The following AGO2 variants were observed in gnomAD, a reference collection of about 807,000 sequenced individuals.
The protein encoded by AGO2 is protein argonaute-2.
Under a neutral mutation model 102.3 loss-of-function variants are expected in AGO2, and 5 were observed. That is an observed-to-expected ratio of 0.05 (90% CI 0.03 to 0.10). AGO2 has a LOEUF of 0.10. AGO2 is among the 10% of genes least tolerant of loss of function. AGO2 has a pLI of 1.00. For missense variants in AGO2, 541 were observed against 1,183.7 expected (o/e 0.46, Z 7.97); for synonymous variants, 449 against 473.1 (o/e 0.95, Z 0.66).
At chr8:140,556,434 T>C in intron 8 of AGO2, 148 bp from the exon 9 acceptor site, 2 of 1,004,130 alleles carry the variant, frequency 2.0e-6, no homozygotes, top group Non-Finnish European at 2.9e-6. Flanking sequence ...AGGTGTCTGC[T>C]GTGGGGGCTG....
intron 2 of AGO2, among the ~76,000 whole-genome samples, chr8:140,579,044 G>A (rs1003936587): frequency 6.6e-6 from 1 of 152,146 alleles, no homozygotes; most frequent in Non-Finnish European, 1.5e-5. Flanking sequence ...GCAACACAGA[G>A]AGACCCCATC....
intron 2 of AGO2, among the ~76,000 whole-genome samples, chr8:140,580,583 T>C (rs1054999914): frequency 6.6e-6 from 1 of 152,080 alleles, no homozygotes; most frequent in African/African-American, 2.4e-5. Flanking sequence ...ATGAGCACCA[T>C]CCACCTCCCC....
At chr8:140,636,959 T>C (rs1323492525), upstream of AGO2, 1 of 152,178 alleles carries the variant, frequency 6.6e-6, no homozygotes, top group African/African-American at 2.4e-5. Flanking sequence ...CTGCATTCTT[T>C]AGGGAAGCAT....
Position 140,589,571 on chromosome 8 carries a change from T to C in AGO2, c.23-4260A>G, listed in dbSNP as rs900637186. On this transcript the variant is annotated intron_variant, in intron 1 of 18. Transcript: ENST00000220592. This position sits in a 1 kb window ranked among gnomAD's most constrained non-coding sequence, Gnocchi z 4.2. ...TCCAGAGCTCCAAAGTGAGTCATTA[T>C]TCAAAGCCATGCTTCCCGATGGTCC... Among the ~76,000 whole-genome samples the C allele has an allele frequency of 1.3e-5, 2 of 152,228 alleles. No homozygotes were observed. Among genetic ancestry groups the C allele is most frequent in the African/African-American group, 4.8e-5 (2 of 41,462 alleles).
At chr8:140,579,615 C>T (rs776813482) in intron 2 of AGO2, among the ~76,000 whole-genome samples, 1 of 152,160 alleles carries the variant, frequency 6.6e-6, no homozygotes, top group Non-Finnish European at 1.5e-5. Flanking sequence ...CCCCAGCGCA[C>T]TCCTCTAACC....
At chr8:140,616,244 G>A (rs759283458) in intron 1 of AGO2, among the ~76,000 whole-genome samples, 13 of 152,200 alleles carry the variant, frequency 8.5e-5, no homozygotes, top group Non-Finnish European at 1.8e-4. Flanking sequence ...ATCATTTTGA[G>A]ATTCCTACAG....
In AGO2 at chr8:140,605,615, C is replaced by T. The variant is rs562632705; in HGVS notation, c.23-20304G>A. Among the ~76,000 whole-genome samples the T allele has an allele frequency of 2.6e-5, 4 of 152,284 alleles. No individual in the cohort carries two copies. In the South Asian group the frequency reaches 6.2e-4, roughly 24 times the overall value. On this transcript the variant is annotated intron_variant, in intron 1 of 18. Coordinates refer to ENST00000220592, the MANE Select transcript of AGO2 (RefSeq NM_012154.5). ...CTGCAGCTCTCGCAGGGGTGCCCAG[C>T]GGTAGGTCAGAAGCCATGCTGGGAC...
chr8:140,601,237 C>T (rs1381708323), intron 1 of AGO2, among the ~76,000 whole-genome samples: 3 of 152,236 alleles, frequency 2.0e-5, no homozygotes, highest in African/African-American at 7.2e-5. Flanking sequence ...TTCCTGTCTA[C>T]TCTTTCCTCA....
At chr8:140,600,272 G>A (rs2073913266) in intron 1 of AGO2, among the ~76,000 whole-genome samples, 1 of 152,248 alleles carries the variant, frequency 6.6e-6, no homozygotes, top group Non-Finnish European at 1.5e-5. Flanking sequence ...CGAAAGATGT[G>A]TCCTTTAATT....
intron 2 of AGO2, among the ~76,000 whole-genome samples, chr8:140,580,204 C>T (rs979790907): frequency 1.3e-5 from 2 of 152,264 alleles, no homozygotes; most frequent in Non-Finnish European, 2.9e-5. Context: ...GTCTTGCTTG[C>T]ACCAAACCCC....
Position 140,562,594 on chromosome 8 carries a change from C to G in AGO2, c.377G>C (p.Arg126Pro). ...EVTLPGEGKDRIFKVSIKWVS... is the reference protein window; with the variant it reads ...EVTLPGEGKDPIFKVSIKWVS... ...CCACTTGATGGACACCTTGAAGATG[C>G]GATCCTTGCCTTCTCCTGGCAGCGT... Residue 126 changes from arginine (R) to proline (P), a missense_variant, in exon 4 of 19, where the codon CGC becomes CCC. Coordinates refer to ENST00000220592, the MANE Select transcript of AGO2 (RefSeq NM_012154.5). 2 of 1,613,958 alleles carry G rather than the reference C, an allele frequency of 1.2e-6. No individual in the cohort carries two copies. Among genetic ancestry groups the G allele is most frequent in the Non-Finnish European group, 1.7e-6 (2 of 1,179,968 alleles).
intron 4 of AGO2, 27 bp from the exon 5 acceptor site, chr8:140,560,537 T>C (rs763872721): frequency 6.3e-7 from 1 of 1,598,422 alleles, no homozygotes; most frequent in Non-Finnish European, 8.6e-7. Context: ...CCACCCCGCC[T>C]CCCGTCAGAT....
rs1001952258 is a variant in AGO2 at position 140,527,193 on chromosome 8, T to A, written c.*4851A>T. The A allele has an allele frequency of 6.6e-6, 1 of 152,214 alleles. No individual in the cohort carries two copies. The highest frequency in any genetic ancestry group is 1.5e-5 in the Non-Finnish European group (1 of 68,034). The allele number at this position is 152,214 out of a possible 1,614,324, so 9.4% of individuals were successfully genotyped here. A position where few individuals can be genotyped will look rare whatever the true frequency, so the allele number is the denominator to read the frequency against. ...GCACCAAGAGACCATGTTCTCCTAG[T>A]AACCGATCTAGAACTTCCCTTCAGA... On this transcript the variant is annotated 3_prime_UTR_variant, in exon 19 of 19. Coordinates refer to ENST00000220592, the MANE Select transcript of AGO2 (RefSeq NM_012154.5). The surrounding 1 kb of genome is among the most constrained non-coding windows in gnomAD (Gnocchi z 6.0).
rs546492675 is a variant in AGO2 at position 140,548,341 on chromosome 8, A to G, written c.1589-714T>C. ...AAAAAAAAAAAAAAAAAAGGAAAAGAAAAAAAGGAGGGTCACTCACACCAC... is the reference window on the plus strand; with the variant it reads ...AAAAAAAAAAAAAAAAAAGGAAAAGGAAAAAAGGAGGGTCACTCACACCAC... On this transcript the variant is annotated intron_variant, in intron 12 of 18. Transcript: ENST00000220592. Among the ~76,000 whole-genome samples, 19 of 151,720 alleles carry G rather than the reference A, an allele frequency of 1.3e-4. No individual in the cohort carries two copies. In the South Asian group the frequency reaches 4.0e-3, roughly 32 times the overall value.
intron 1 of AGO2, among the ~76,000 whole-genome samples, chr8:140,623,886 A>G (rs1240017365): frequency 6.6e-6 from 1 of 152,170 alleles, no homozygotes; most frequent in African/African-American, 2.4e-5. Flanking sequence ...CTCTTAAACA[A>G]AGAAATGACT....
chr8:140,535,040 C>T (rs774490565), intron 17 of AGO2, among the ~76,000 whole-genome samples: 9 of 152,224 alleles, frequency 5.9e-5, no homozygotes, highest in Admixed American at 1.3e-4. Flanking sequence ...CGCGAGGGGA[C>T]GGCAAGGCTG....
chr8:140,602,524 G>A (rs989787690), intron 1 of AGO2, among the ~76,000 whole-genome samples: 1 of 152,204 alleles, frequency 6.6e-6, no homozygotes, highest in Non-Finnish European at 1.5e-5. Context: ...CGTCAGAACA[G>A]ACTCCGTGAA....
intron 1 of AGO2, among the ~76,000 whole-genome samples, chr8:140,595,095 C>T (rs551455087): frequency 7.4e-4 from 112 of 152,254 alleles, no homozygotes; most frequent in African/African-American, 2.6e-3. Flanking sequence ...GATCTGGTAA[C>T]TCAACACCTA....
At chr8:140,548,807 G>A (rs569689155) in intron 12 of AGO2, among the ~76,000 whole-genome samples, 4 of 152,254 alleles carry the variant, frequency 2.6e-5, no homozygotes, top group South Asian at 4.1e-4. Flanking sequence ...TTAAACAAAC[G>A]TTCCCCCATC....
Sources: allele counts gnomAD v4.1 joint callset (sites outside exome capture counted in the v4.1 genomes callset), GRCh38; gene constraint gnomAD v4.1.1; non-coding constraint Gnocchi (gnomAD v3.1); transcripts MANE v1.5; gene names NCBI Gene and HGNC (gene_info 2026-07-23, HGNC 2026-07-21).